DDO: variants seen among roughly 807,000 people sequenced by gnomAD.
The protein encoded by DDO is D-aspartate oxidase, also known as D-aspartate oxidase, DDO.
Under a neutral mutation model 16.8 loss-of-function variants are expected in DDO, and 16 were observed. The observed-to-expected ratio is 0.95, with a 90% CI of 0.65 to 1.45. The LOEUF (loss-of-function observed/expected upper bound fraction) is 1.45, where lower values mean the gene tolerates loss of function less well. DDO is among the 40% of genes most tolerant of loss of function. The pLI, the probability that DDO is intolerant of heterozygous loss-of-function variation, is 0.00. For missense variants in DDO, 429 were observed against 420.3 expected (o/e 1.02, Z -0.18); for synonymous variants, 180 against 167.2 (o/e 1.08, Z -0.59).
In DDO at chr6:110,392,796, G is replaced by A; in HGVS notation, c.1005C>T (p.Pro335=). The change falls in exon 5 of 5, where the codon CCC becomes CCT. Residue 335 remains proline, a synonymous_variant. Transcript: ENST00000368924. The part of the protein sequence containing the change: ...VSECVHALRT[P]IPKSNL ...TCATCTACAGGTTTGACTTGGGAAT[G>A]GGGGTCCTGAGGGCATGGACACACT... is the stretch of plus-strand genomic sequence containing the variant. 6 of 1,564,958 alleles carry A rather than the reference G, an allele frequency of 3.8e-6. No individual in the cohort carries two copies. Among genetic ancestry groups the A allele is most frequent in the Non-Finnish European group, 5.2e-6 (6 of 1,154,510 alleles).
intron 1 of DDO, 27 bp from the exon 2 acceptor site, chr6:110,413,493 C>T (rs1402888335): frequency 1.3e-6 from 2 of 1,598,892 alleles, no homozygotes; most frequent in African/African-American, 1.3e-5. Flanking sequence ...GGGAGCTATA[C>T]CCCTTGTTTT....
Position 110,392,508 on chromosome 6 carries a change from T to G in DDO, c.*267A>C. The G allele has an allele frequency of 8.7e-7, 1 of 1,145,362 alleles. No homozygotes were observed. Among genetic ancestry groups the G allele is most frequent in the Non-Finnish European group, 1.1e-6 (1 of 934,008 alleles). The allele number at this position is 1,145,362 out of a possible 1,614,324, so 70.9% of individuals were successfully genotyped here. A position where few individuals can be genotyped will look rare whatever the true frequency, so the allele number is the denominator to read the frequency against. On this transcript the variant is annotated 3_prime_UTR_variant, in exon 5 of 5. Transcript: ENST00000368924. ...TGCATCATTTCTTTTGTTGTTGGTG[T>G]TTTTTTTAGAGGTGGGAACTGGCAC...
chr6:110,398,885 G>A (rs55788531), intron 4 of DDO, among the ~76,000 whole-genome samples: 3,600 of 152,286 alleles, frequency 0.024, 131 homozygotes, highest in African/African-American at 0.08. Context: ...ATAAGGCATG[G>A]CCTCTTGGAA....
At chr6:110,397,331 A>G (rs1773324059) in intron 4 of DDO, among the ~76,000 whole-genome samples, 5 of 152,340 alleles carry the variant, frequency 3.3e-5, no homozygotes, top group African/African-American at 9.6e-5. Flanking sequence ...TTCATTAAGG[A>G]TGATATTTCA....
rs755128734 is a variant in DDO at position 110,413,403 on chromosome 6, C to T, written c.60G>A (p.Val20=). 3.7e-6 allele frequency: 6 copies of T among 1,614,070 alleles called. No homozygotes were observed. In the East Asian group the frequency reaches 1.1e-4, roughly 30 times the overall value. The change falls in exon 2 of 5, where the codon GTG becomes GTA. Residue 20 remains valine (V), a synonymous_variant. Transcript: ENST00000368924. ...GAGVVGLSTA[V]CISKLVPRCS... ...ATCGGGGCACCAGTTTGGAGATGCA[C>T]ACAGCCGTGGAGAGCCCCACCACAC...
chr6:110,390,133 C>T (rs1773074827), downstream of DDO, among the ~76,000 whole-genome samples: 1 of 152,134 alleles, frequency 6.6e-6, no homozygotes, highest in African/African-American at 2.4e-5. Flanking sequence ...GACACACTTG[C>T]CTAAGTGAGC....
chr6:110,406,858 G>T (rs781276094), intron 3 of DDO, among the ~76,000 whole-genome samples: 9 of 152,066 alleles, frequency 5.9e-5, no homozygotes, highest in Non-Finnish European at 1.3e-4. Flanking sequence ...TTCTTCTCCA[G>T]ACATATGCTT....
downstream of DDO, among the ~76,000 whole-genome samples, chr6:110,389,782 C>T (rs1478027508): frequency 2.0e-5 from 3 of 152,182 alleles, no homozygotes; most frequent in Non-Finnish European, 2.9e-5. Flanking sequence ...TGAATTGTTA[C>T]AGAAGTTATT....
At chr6:110,398,163 C>T (rs1172178697) in intron 4 of DDO, among the ~76,000 whole-genome samples, 2 of 152,070 alleles carry the variant, frequency 1.3e-5, no homozygotes, top group Non-Finnish European at 2.9e-5. Flanking sequence ...CACGAAATAG[C>T]CCCAGCATCC....
rs1482564254 is a variant in DDO, at chr6:110,393,118, GTACCAGGA to G, written c.675_682del (p.Pro226IlefsTer9). On this transcript the variant is annotated frameshift_variant, in exon 5 of 5. Transcript: ENST00000368924. LOFTEE classifies it low-confidence loss of function (END_TRUNC). ...AGTTCCACCTAGGGTTACATGGGAT[GTACCAGGA>G]TAAATATATGTCAGCCCACTGCCAT... is the stretch of plus-strand genomic sequence containing the variant. 3 of 1,614,014 alleles carry G rather than the reference GTACCAGGA, an allele frequency of 1.9e-6. No homozygotes were observed. The highest frequency in any genetic ancestry group is 1.7e-6 in the Non-Finnish European group (2 of 1,179,858).
chr6:110,392,421 C>CA lies in DDO; in HGVS notation c.*353dup, dbSNP rs750026366. The CA allele has an allele frequency of 2.0e-6, 2 of 1,008,918 alleles. No individual in the cohort carries two copies. Among genetic ancestry groups the CA allele is most frequent in the South Asian group, 4.7e-5 (1 of 21,452 alleles). 62.5% of individuals were successfully genotyped at this position (1,008,918 alleles called of 1,614,324 possible). On this transcript the variant is annotated 3_prime_UTR_variant, in exon 5 of 5. Transcript: ENST00000368924. The stretch of plus-strand genomic sequence containing the variant: ...TTTACTCTATAAGAAGTATTTTTAA[C>CA]AAAAAATAGAGCTTTATGCCCTATG...
intron 4 of DDO, among the ~76,000 whole-genome samples, chr6:110,403,636 G>A (rs1773554139): frequency 6.6e-6 from 1 of 152,208 alleles, no homozygotes; most frequent in African/African-American, 2.4e-5. Flanking sequence ...AGTGAGAAGA[G>A]CACTTGAAAA....
chr6:110,415,424 A>G, intron 1 of DDO, 43 bp downstream of exon 1: 1 of 1,611,598 alleles, frequency 6.2e-7, no homozygotes, highest in Non-Finnish European at 8.5e-7. Context: ...CTCCCAGAGC[A>G]TGGACGGAAC....
chr6:110,392,029 A>G lies in DDO; in HGVS notation c.*746T>C, dbSNP rs1384414108. ...GGAATGTACAACCCCTAGGTGTTTG[A>G]CCCCAGGCAGCTATTGAATTGATAT... On this transcript the variant is annotated 3_prime_UTR_variant, in exon 5 of 5. Coordinates refer to ENST00000368924, the MANE Select transcript of DDO (RefSeq NM_001372108.2). 1 of 218,942 alleles carries G rather than the reference A, an allele frequency of 4.6e-6. No homozygotes were observed. The highest frequency in any genetic ancestry group is 7.7e-6 in the Non-Finnish European group (1 of 129,304). The allele number at this position is 218,942 out of a possible 1,614,324, so 13.6% of individuals were successfully genotyped here.
chr6:110,413,364 G>T lies in DDO; in HGVS notation c.99C>A (p.Ile33=), dbSNP rs759053089. 26 of 1,614,052 alleles carry T rather than the reference G, an allele frequency of 1.6e-5. No individual in the cohort carries two copies. Among genetic ancestry groups the T allele is most frequent in the Non-Finnish European group, 2.2e-5 (26 of 1,180,040 alleles). The change falls in exon 2 of 5, where the codon ATC becomes ATA. Residue 33 remains isoleucine (I), a synonymous_variant. Coordinates refer to ENST00000368924, the MANE Select transcript of DDO (RefSeq NM_001372108.2). ...TATCTGGAGTAAACTTGTCTGAAAT[G>T]ATGGTAACGGAGCATCGGGGCACCA... The part of the protein sequence containing the change: ...SKLVPRCSVT[I]ISDKFTPDTT...
chr6:110,414,789 T>C (rs1393085543), intron 1 of DDO, among the ~76,000 whole-genome samples: 2 of 152,248 alleles, frequency 1.3e-5, no homozygotes, highest in Non-Finnish European at 2.9e-5. Flanking sequence ...ATAGTTGCCC[T>C]TCTCTGTCCA....
intron 2 of DDO, 77 bp from the exon 3 acceptor site, chr6:110,408,519 CTAGA>C: frequency 7.4e-7 from 1 of 1,344,852 alleles, no homozygotes; most frequent in East Asian, 2.3e-5. Context: ...AAGCTCCTTC[CTAGA>C]AACTTGGAAA....
At chr6:110,413,497 T>C (rs776364767) in intron 1 of DDO, 31 bp from the exon 2 acceptor site, 2 of 1,596,810 alleles carry the variant, frequency 1.3e-6, no homozygotes, top group Admixed American at 1.7e-5. Flanking sequence ...GCTATACCCC[T>C]TGTTTTAAGG....
rs763595669 is a variant in DDO at position 110,393,475 on chromosome 6, G to C, written c.459-133C>G. 4 of 1,241,402 alleles carry C rather than the reference G, an allele frequency of 3.2e-6. No homozygotes were observed. In the Admixed American group the frequency reaches 1.4e-4, roughly 42 times the overall value. 76.9% of individuals were successfully genotyped at this position (1,241,402 alleles called of 1,614,324 possible). On this transcript the variant is annotated intron_variant, in intron 4 of 4. Transcript: ENST00000368924. ...AACAAACACCTCAGGAGCTTCCAGG[G>C]CCCAGTCAGGCCAAATTCTAGCCAT...
Sources: gnomAD v4.1 joint callset for allele counts (sites outside exome capture counted in the v4.1 genomes callset) on GRCh38, gnomAD v4.1.1 for gene constraint, MANE v1.5 for transcripts, NCBI Gene and HGNC (gene_info 2026-07-23, HGNC 2026-07-21) for gene names.